Variants in URI1 observed in about 807,000 individuals in gnomAD.
URI1 encodes unconventional prefoldin RPB5 interactor 1.
A neutral mutation model predicts 60.2 loss-of-function variants in URI1; 39 were observed. The observed-to-expected ratio is 0.65, with a 90% CI of 0.50 to 0.85. URI1 has a LOEUF of 0.85. URI1 is among the 40% of genes least tolerant of loss of function. URI1 has a pLI of 0.00. For missense variants in URI1, 691 were observed against 665.9 expected (o/e 1.04, Z -0.42); for synonymous variants, 251 against 236.8 (o/e 1.06, Z -0.55).
intron 9 of URI1, among the ~76,000 whole-genome samples, chr19:30,011,482 A>G (rs896174853): frequency 6.6e-6 from 1 of 151,770 alleles, no homozygotes; most frequent in African/African-American, 2.4e-5. Context: ...AACATTTCCA[A>G]ATGGTCTAGT....
At chr19:29,993,212 AT>A (rs112377507) in intron 4 of URI1, among the ~76,000 whole-genome samples, 1 of 152,152 alleles carries the variant, frequency 6.6e-6, no homozygotes, top group African/African-American at 2.4e-5. Context: ...TAGAGAAGAG[AT>A]CAGAAGCAGG....
At chr19:30,010,397 A>G (rs1217742742) in intron 8 of URI1, among the ~76,000 whole-genome samples, 1 of 152,232 alleles carries the variant, frequency 6.6e-6, no homozygotes, top group African/African-American at 2.4e-5. Flanking sequence ...TTCTTCGGGA[A>G]AAGTTGACTG....
At chr19:29,988,487 G>C (rs1276477271) in intron 4 of URI1, among the ~76,000 whole-genome samples, 1 of 152,126 alleles carries the variant, frequency 6.6e-6, no homozygotes, top group Admixed American at 6.5e-5. Context: ...CTGCCCCTTG[G>C]TGGTCACACC....
chr19:29,956,855 A>C, intron 1 of URI1: 1 of 1,548,460 alleles, frequency 6.5e-7, no homozygotes, highest in East Asian at 2.2e-5. Flanking sequence ...AAGGAGTCTG[A>C]GTTCTACGTT....
chr19:29,988,527 G>C (rs751904785), intron 4 of URI1, among the ~76,000 whole-genome samples: 1 of 152,052 alleles, frequency 6.6e-6, no homozygotes, highest in South Asian at 2.1e-4. Context: ...AAGGATTGAC[G>C]ACTTCACGTC....
At chr19:29,956,463 CA>C in intron 1 of URI1, 1 of 1,589,386 alleles carries the variant, frequency 6.3e-7, no homozygotes, top group Non-Finnish European at 8.5e-7. Context: ...AGATACCATC[CA>C]AAAATTTCCT....
In URI1 at chr19:30,011,098, G is replaced by T; in HGVS notation, c.1040G>T (p.Arg347Leu). Residue 347 changes from arginine (R) to leucine (L), a missense_variant, in exon 9 of 11, where the codon CGA becomes CTA. By Grantham distance (102) the Arg-to-Leu change is moderately radical. Transcript: ENST00000392271. The stretch of plus-strand genomic sequence containing the variant: ...TTTCTTGCTCTGAAATTTTAGGTCC[G>T]AATAAATACTGGAAAGAATACCACT... ...FSHTVEPKRV[R>L]INTGKNTTLK... 1 of 1,602,424 alleles carries T rather than the reference G, an allele frequency of 6.2e-7. No individual in the cohort carries two copies. The highest frequency in any genetic ancestry group is 1.1e-5 in the South Asian group (1 of 88,136).
chr19:29,935,733 G>C (rs1473677795), intron 1 of URI1, among the ~76,000 whole-genome samples: 1 of 133,166 alleles, frequency 7.5e-6, no homozygotes, highest in African/African-American at 3.0e-5. Context: ...CTTTAACTGT[G>C]TTATTCCACT....
chr19:29,995,639 C>T (rs2055802652), intron 4 of URI1, among the ~76,000 whole-genome samples: 4 of 150,264 alleles, frequency 2.7e-5, no homozygotes, highest in Non-Finnish European at 4.4e-5. Flanking sequence ...TTTTCACTGT[C>T]CAGTTAGTGT....
intron 1 of URI1, among the ~76,000 whole-genome samples, chr19:29,963,507 T>A (rs1168562539): frequency 6.6e-6 from 1 of 152,226 alleles, no homozygotes; most frequent in African/African-American, 2.4e-5. Context: ...TATCTTTTCC[T>A]CTATTTCCTT....
chr19:30,012,103 A>G (rs1031108954), intron 9 of URI1, among the ~76,000 whole-genome samples, 182 bp from the exon 10 acceptor site: 2 of 152,236 alleles, frequency 1.3e-5, no homozygotes, highest in Non-Finnish European at 2.9e-5. Context: ...ATAGCTTTCA[A>G]AATAGTATGA....
At chr19:29,956,548 C>T (rs1568415654) in intron 1 of URI1, 1 of 1,531,004 alleles carries the variant, frequency 6.5e-7, no homozygotes, top group East Asian at 2.3e-5. Context: ...AGTGTCATTT[C>T]CTTCAAGGAT....
chr19:30,016,519 C>T lies in URI1; in HGVS notation c.*1450C>T, dbSNP rs1347000756. 2 of 152,080 alleles carry T rather than the reference C, an allele frequency of 1.3e-5. No individual in the cohort carries two copies. Among genetic ancestry groups the T allele is most frequent in the Non-Finnish European group, 2.9e-5 (2 of 67,954 alleles). 9.4% of individuals were successfully genotyped at this position (152,080 alleles called of 1,614,324 possible). A position where few individuals can be genotyped will look rare whatever the true frequency, so the allele number is the denominator to read the frequency against. ...GGCTTTCTGTGCTAGATTTTTTTCT[C>T]AGAAACAAACTTTACTGTAGGACTA... On this transcript the variant is annotated 3_prime_UTR_variant, in exon 11 of 11. Coordinates refer to ENST00000392271, the MANE Select transcript of URI1 (RefSeq NM_003796.3).
At chr19:29,951,699 A>G (rs2055182236) in intron 1 of URI1, among the ~76,000 whole-genome samples, 1 of 152,048 alleles carries the variant, frequency 6.6e-6, no homozygotes, top group Non-Finnish European at 1.5e-5. Context: ...GGCCTCTGCC[A>G]CCACGCCCAG....
intron 1 of URI1, among the ~76,000 whole-genome samples, chr19:29,930,621 G>A (rs2054908318): frequency 6.6e-6 from 1 of 151,974 alleles, no homozygotes; most frequent in Admixed American, 6.6e-5. Flanking sequence ...AAATCAGTAC[G>A]CGAGAGGGTT....
At chr19:29,942,134 C>A (rs781335259), upstream of URI1, 20 of 841,646 alleles carry the variant, frequency 2.4e-5, no homozygotes, top group Non-Finnish European at 2.9e-5. Context: ...CCCAGCCACG[C>A]GGTTCGCATC....
chr19:29,978,196 T>C (rs2055549407), intron 2 of URI1, among the ~76,000 whole-genome samples: 1 of 152,214 alleles, frequency 6.6e-6, no homozygotes, highest in Non-Finnish European at 1.5e-5. Context: ...TTAACGCACT[T>C]CTGAAAATGA....
chr19:29,930,127 TG>T (rs1458449597), intron 1 of URI1, among the ~76,000 whole-genome samples: 1 of 151,902 alleles, frequency 6.6e-6, no homozygotes, highest in Non-Finnish European at 1.5e-5. Context: ...TTAGTAGAGA[TG>T]GGGTTTCACC....
intron 8 of URI1, 54 bp downstream of exon 8, chr19:30,009,407 T>TA: frequency 6.8e-7 from 1 of 1,460,110 alleles, no homozygotes; most frequent in South Asian, 1.3e-5. Flanking sequence ...CATTAAGCAT[T>TA]ATGATATTTT....
Sources: allele counts gnomAD v4.1 joint callset (sites outside exome capture counted in the v4.1 genomes callset), GRCh38; gene constraint gnomAD v4.1.1; transcripts MANE v1.5; gene names NCBI Gene and HGNC (gene_info 2026-07-23, HGNC 2026-07-21).